ARSK: variants seen among roughly 807,000 people sequenced by gnomAD.
The protein encoded by ARSK is arylsulfatase family member K.
A neutral mutation model predicts 53.2 loss-of-function variants in ARSK; 37 were observed. That is an observed-to-expected ratio of 0.70 (90% CI 0.54 to 0.92). ARSK has a LOEUF of 0.92. ARSK is among the 40% of genes least tolerant of loss of function. ARSK has a pLI of 0.00. For missense variants in ARSK, 613 were observed against 643.0 expected, an observed-to-expected ratio of 0.95 and a Z score of 0.51; for synonymous variants, 208 against 223.2, an observed-to-expected ratio of 0.93 and a Z score of 0.61.
intron 3 of ARSK, among the ~76,000 whole-genome samples, chr5:95,572,646 C>T (rs1355789180): frequency 2.0e-5 from 3 of 152,090 alleles, no homozygotes; most frequent in African/African-American, 7.2e-5. Flanking sequence ...GGCGTGGTGG[C>T]GGGCCCCTGT....
At chr5:95,588,360 C>CAAG (rs1749156721) in intron 5 of ARSK, among the ~76,000 whole-genome samples, 1 of 151,646 alleles carries the variant, frequency 6.6e-6, no homozygotes, top group South Asian at 2.1e-4. Context: ...CCTCAGCCTC[C>CAAG]CGAGTAGCTG....
At chr5:95,572,280 G>A (rs1321278024) in intron 3 of ARSK, among the ~76,000 whole-genome samples, 1 of 152,264 alleles carries the variant, frequency 6.6e-6, no homozygotes, top group East Asian at 1.9e-4. Flanking sequence ...CCTTGAGCAA[G>A]TAATTTATCT....
At chr5:95,592,522 A>G (rs1324652174) in intron 6 of ARSK, among the ~76,000 whole-genome samples, 1 of 151,938 alleles carries the variant, frequency 6.6e-6, no homozygotes. Context: ...ATATAATTAC[A>G]CATACTTCTT....
In ARSK at chr5:95,562,218, A is replaced by G. The variant is rs147781282; in HGVS notation, c.127-3780A>G. Among the ~76,000 whole-genome samples the G allele has an allele frequency of 3.7e-4, 52 of 138,884 alleles. No homozygotes were observed. In the East Asian group the frequency reaches 1.0e-2, roughly 27 times the overall value. The allele number at this position is 138,884 out of a possible 152,430, so 91.1% of individuals were successfully genotyped here. On this transcript the variant is annotated intron_variant, in intron 1 of 7. Transcript: ENST00000380009. Reference sequence around the variant, plus strand: ...AGGGTGAGTCTCTGTCTCAAAAAAAATAAATAAAAATTTAAAATTAAATAA... The same window carrying G: ...AGGGTGAGTCTCTGTCTCAAAAAAAGTAAATAAAAATTTAAAATTAAATAA...
chr5:95,589,277 T>C (rs1421882786), intron 5 of ARSK, among the ~76,000 whole-genome samples: 1 of 152,224 alleles, frequency 6.6e-6, no homozygotes, highest in Non-Finnish European at 1.5e-5. Context: ...GGGGACATTC[T>C]TTTATTTTTA....
chr5:95,582,169 G>A (rs1481110202), intron 3 of ARSK, among the ~76,000 whole-genome samples: 2 of 152,018 alleles, frequency 1.3e-5, no homozygotes, highest in African/African-American at 4.8e-5. Context: ...TAAAAAGCAA[G>A]CTTCCTAGAA....
intron 1 of ARSK, among the ~76,000 whole-genome samples, chr5:95,559,119 C>T (rs1363271006): frequency 1.3e-5 from 2 of 152,122 alleles, no homozygotes. Context: ...CCAGCATGGA[C>T]AAAAGAGCAA....
chr5:95,600,960 C>G lies in ARSK; in HGVS notation c.1210C>G (p.Leu404Val). Residue 404 changes from leucine to valine, a missense_variant, in exon 7 of 8, where the codon CTG becomes GTG. Coordinates refer to ENST00000380009, the MANE Select transcript of ARSK (RefSeq NM_198150.3). ...CAAAAACCTGCATCCACCCTGGATTCTGAGTGAATTCCATGGATGTAATGT... is the reference window on the plus strand; with the variant it reads ...CAAAAACCTGCATCCACCCTGGATTGTGAGTGAATTCCATGGATGTAATGT... ...KVKNLHPPWI[L>V]SEFHGCNVNA... is the part of the protein sequence containing the mutation. The G allele has an allele frequency of 6.2e-7, 1 of 1,614,094 alleles. No individual in the cohort carries two copies. Among genetic ancestry groups the G allele is most frequent in the South Asian group, 1.1e-5 (1 of 91,082 alleles).
chr5:95,600,939 A>C lies in ARSK; in HGVS notation c.1189A>C (p.Asn397His). The change falls in exon 7 of 8, where the codon AAC (asparagine) becomes CAC (histidine). Residue 397 changes from asparagine to histidine, a missense_variant. By Grantham distance (68) the Asn-to-His change is moderately conservative (BLOSUM62 1). Coordinates refer to ENST00000380009, the MANE Select transcript of ARSK (RefSeq NM_198150.3). ...ETFKNEHKVK[N>H]LHPPWILSEF... ...ATTTAAGAATGAACATAAAGTCAAA[A>C]ACCTGCATCCACCCTGGATTCTGAG... is the stretch of plus-strand genomic sequence containing the variant. 6.2e-7 allele frequency: 1 copy of C among 1,614,110 alleles called. No homozygotes were observed. The highest frequency in any genetic ancestry group is 8.5e-7 in the Non-Finnish European group (1 of 1,179,970).
rs988587876 is a variant in ARSK, at chr5:95,604,180, T to G, written c.*654T>G. The G allele has an allele frequency of 1.3e-5, 2 of 152,224 alleles. No homozygotes were observed. Among genetic ancestry groups the G allele is most frequent in the African/African-American group, 2.4e-5 (1 of 41,464 alleles). The allele number at this position is 152,224 out of a possible 1,614,324, so 9.4% of individuals were successfully genotyped here. On this transcript the variant is annotated 3_prime_UTR_variant, in exon 8 of 8. Transcript: ENST00000380009. ...GTTGTATGTGAGCATTTGATGGTGC[T>G]CGATGAGTTACTTGTATTTGATGGG...
At chr5:95,565,059 G>A (rs1748704027) in intron 1 of ARSK, among the ~76,000 whole-genome samples, 1 of 152,082 alleles carries the variant, frequency 6.6e-6, no homozygotes, top group Admixed American at 6.6e-5. Context: ...TTTTGGGTTG[G>A]CTCATGTTCT....
chr5:95,556,102 T>G lies in ARSK; in HGVS notation c.126+698T>G, dbSNP rs1221043386. Reference sequence around the variant, plus strand: ...ATTGTTTGGTTATTAATTGTAATATTAGTTTATTATCACTCGGTGTTACTG... The same window carrying G: ...ATTGTTTGGTTATTAATTGTAATATGAGTTTATTATCACTCGGTGTTACTG... On this transcript the variant is annotated intron_variant, in intron 1 of 7. Transcript: ENST00000380009. The G allele has an allele frequency of 1.2e-5, 8 of 649,558 alleles. No individual in the cohort carries two copies. In the African/African-American group the frequency reaches 1.3e-4, roughly 10 times the overall value. 40.2% of individuals were successfully genotyped at this position (649,558 alleles called of 1,614,324 possible).
chr5:95,593,422 T>G (rs1451630901), intron 6 of ARSK, among the ~76,000 whole-genome samples: 1 of 152,220 alleles, frequency 6.6e-6, no homozygotes, highest in Non-Finnish European at 1.5e-5. Context: ...TTCTTAGACA[T>G]TCTGTCATCA....
chr5:95,566,258 G>A, intron 2 of ARSK, 131 bp downstream of exon 2: 2 of 1,167,770 alleles, frequency 1.7e-6, no homozygotes, highest in East Asian at 2.7e-5. Flanking sequence ...TATAAAAGAT[G>A]TGCATTTTAA....
chr5:95,567,773 C>T (rs375648216), intron 2 of ARSK, 117 bp from the exon 3 acceptor site: 6 of 938,474 alleles, frequency 6.4e-6, no homozygotes, highest in Non-Finnish European at 7.7e-6. Context: ...AATCTGGGTA[C>T]GTCTTACTGC....
At chr5:95,571,677 A>G (rs186558579) in intron 3 of ARSK, among the ~76,000 whole-genome samples, 12 of 152,320 alleles carry the variant, frequency 7.9e-5, no homozygotes, top group African/African-American at 2.9e-4. Flanking sequence ...TCAGTGCAAT[A>G]CTTGCTTAAA....
chr5:95,575,575 T>G (rs2112425676), intron 3 of ARSK, among the ~76,000 whole-genome samples: 1 of 152,338 alleles, frequency 6.6e-6, no homozygotes, highest in East Asian at 1.9e-4. Flanking sequence ...ATGCTCATTG[T>G]AGAGATCTTT....
chr5:95,569,325 A>G (rs1393333354), intron 3 of ARSK, among the ~76,000 whole-genome samples: 2 of 152,234 alleles, frequency 1.3e-5, no homozygotes, highest in Non-Finnish European at 2.9e-5. Flanking sequence ...TAACAAAAAT[A>G]GTTGATGAAT....
chr5:95,555,594 C>T lies in ARSK; in HGVS notation c.126+190C>T, dbSNP rs1748481684. Among the ~76,000 whole-genome samples, 1 of 152,172 alleles carries T rather than the reference C, an allele frequency of 6.6e-6. No homozygotes were observed. The highest frequency in any genetic ancestry group is 1.5e-5 in the Non-Finnish European group (1 of 68,030). On this transcript the variant is annotated intron_variant, in intron 1 of 7. Transcript: ENST00000380009. This position sits in a 1 kb window ranked among gnomAD's most constrained non-coding sequence, Gnocchi z 4.0. ...CACGTACACCACATACCTATGCAAA[C>T]ATGTAAAACAATAGTGAAACACTGA...
Sources: allele counts gnomAD v4.1 joint callset (sites outside exome capture counted in the v4.1 genomes callset), GRCh38; gene constraint gnomAD v4.1.1; non-coding constraint Gnocchi (gnomAD v3.1); transcripts MANE v1.5; gene names NCBI Gene and HGNC (gene_info 2026-07-23, HGNC 2026-07-21).